Variants in ANKH observed in about 807,000 individuals in gnomAD.
ANKH encodes the protein mineralization regulator ANKH.
In ANKH, 15 loss-of-function variants were observed where a neutral mutation model predicts 49.0. The ratio of observed to expected loss-of-function variants is 0.31; its 90% CI spans 0.20 to 0.47. The LOEUF (loss-of-function observed/expected upper bound fraction) is 0.47. Ranked by LOEUF, ANKH falls within the 20% of genes least tolerant of loss-of-function variation. The pLI is 1.00. For missense variants in ANKH, 429 were observed against 652.0 expected (o/e 0.66, Z 3.72); for synonymous variants, 273 against 260.0 (o/e 1.05, Z -0.48).
chr5:14,841,624 T>C (rs1466511996), intron 1 of ANKH, among the ~76,000 whole-genome samples: 2 of 152,200 alleles, frequency 1.3e-5, no homozygotes, highest in Non-Finnish European at 2.9e-5. Context: ...AGTGTGAAGT[T>C]CAGAGGCACC....
chr5:14,854,143 T>C (rs539887687), intron 1 of ANKH, among the ~76,000 whole-genome samples: 2 of 152,332 alleles, frequency 1.3e-5, no homozygotes, highest in South Asian at 4.1e-4. Context: ...TTTTTATATT[T>C]TAAAGGGATA....
chr5:14,789,090 T>C (rs1237780064), intron 1 of ANKH, among the ~76,000 whole-genome samples: 1 of 152,112 alleles, frequency 6.6e-6, no homozygotes, highest in East Asian at 1.9e-4. Flanking sequence ...TAGCCAGGCA[T>C]GGTGGTACGT....
In ANKH at chr5:14,744,091, T is replaced by C. The variant is rs182819635; in HGVS notation, c.915+1779A>G. ...GCTGGTTTTCTAGGATTTACTTCTA[T>C]ACACACGTGCCTTGAAATGAAAACA... On this transcript the variant is annotated intron_variant, in intron 7 of 11. Coordinates refer to ENST00000284268, the MANE Select transcript of ANKH (RefSeq NM_054027.6). Among the ~76,000 whole-genome samples, 411 of 152,348 alleles carry C rather than the reference T, an allele frequency of 2.7e-3. 3 individuals carry two copies. Among genetic ancestry groups the C allele is most frequent in the African/African-American group, 9.1e-3 (380 of 41,580 alleles).
chr5:14,732,001 G>C (rs1198546981), intron 8 of ANKH, among the ~76,000 whole-genome samples: 1 of 152,184 alleles, frequency 6.6e-6, no homozygotes, highest in South Asian at 2.1e-4. Flanking sequence ...GTGCCCCACA[G>C]GACCCAGGTT....
At chr5:14,796,954 C>T (rs1740409770) in intron 1 of ANKH, among the ~76,000 whole-genome samples, 1 of 152,016 alleles carries the variant, frequency 6.6e-6, no homozygotes, top group Admixed American at 6.6e-5. Flanking sequence ...GAATCAAGCC[C>T]CCCATTAATA....
At chr5:14,777,690 A>G (rs9312873) in intron 1 of ANKH, among the ~76,000 whole-genome samples, 18,326 of 152,218 alleles carry the variant, frequency 0.12, 1,436 homozygotes, top group East Asian at 0.42. Flanking sequence ...CATTCCTTGC[A>G]AGTGGGAAGG....
chr5:14,839,656 C>T (rs972793355), intron 1 of ANKH, among the ~76,000 whole-genome samples: 1 of 152,166 alleles, frequency 6.6e-6, no homozygotes, highest in African/African-American at 2.4e-5. Context: ...ACTACCAAAG[C>T]TCAAGCCGTC....
At chr5:14,841,044 A>G (rs1741801043) in intron 1 of ANKH, among the ~76,000 whole-genome samples, 1 of 152,206 alleles carries the variant, frequency 6.6e-6, no homozygotes, top group South Asian at 2.1e-4. Flanking sequence ...GAGCGGGGAT[A>G]TATATGACTA....
At chr5:14,805,972 A>G (rs920410921) in intron 1 of ANKH, among the ~76,000 whole-genome samples, 5 of 152,228 alleles carry the variant, frequency 3.3e-5, no homozygotes, top group African/African-American at 1.2e-4. Context: ...GAGGCGATAC[A>G]TATAACATTA....
intron 1 of ANKH, among the ~76,000 whole-genome samples, chr5:14,806,402 T>C (rs1255182913): frequency 6.6e-6 from 1 of 152,194 alleles, no homozygotes; most frequent in Non-Finnish European, 1.5e-5. Flanking sequence ...TTAAATGGAA[T>C]GTTGACCACA....
chr5:14,765,293 T>C (rs1739223655), intron 2 of ANKH, among the ~76,000 whole-genome samples: 1 of 152,222 alleles, frequency 6.6e-6, no homozygotes, highest in Non-Finnish European at 1.5e-5. Flanking sequence ...AATTTGGGTA[T>C]CTAGAGCCAG....
chr5:14,778,153 G>A (rs1242069635), intron 1 of ANKH, among the ~76,000 whole-genome samples: 5 of 152,176 alleles, frequency 3.3e-5, no homozygotes, highest in Admixed American at 1.3e-4. Context: ...TGCAGCACCC[G>A]GCCTGGGGTC....
chr5:14,788,732 T>C (rs1217169861), intron 1 of ANKH, among the ~76,000 whole-genome samples: 2 of 152,096 alleles, frequency 1.3e-5, no homozygotes, highest in Non-Finnish European at 2.9e-5. Context: ...ACTGTCACTG[T>C]AACAAAGGCT....
intron 4 of ANKH, among the ~76,000 whole-genome samples, chr5:14,754,146 C>G (rs192002183): frequency 2.0e-5 from 3 of 152,206 alleles, no homozygotes; most frequent in Non-Finnish European, 4.4e-5. Context: ...TCGGCTTCCA[C>G]GCTCCCACTA....
chr5:14,793,315 C>T (rs937911912), intron 1 of ANKH, among the ~76,000 whole-genome samples: 2 of 151,340 alleles, frequency 1.3e-5, no homozygotes, highest in East Asian at 2.0e-4. Context: ...GAAGACCCAG[C>T]GAGGACTCAC....
intron 1 of ANKH, among the ~76,000 whole-genome samples, chr5:14,815,908 C>T (rs1162831001): frequency 6.6e-6 from 1 of 152,134 alleles, no homozygotes; most frequent in Non-Finnish European, 1.5e-5. Context: ...GTAAGCTAGA[C>T]CAGGCCAAGG....
At chr5:14,738,105 A>C (rs1158625454) in intron 8 of ANKH, among the ~76,000 whole-genome samples, 3 of 152,176 alleles carry the variant, frequency 2.0e-5, no homozygotes, top group African/African-American at 4.8e-5. Context: ...TGATCAACAA[A>C]ACTGCTGGAT....
intron 1 of ANKH, among the ~76,000 whole-genome samples, chr5:14,786,820 A>G (rs1739992510): frequency 6.6e-6 from 1 of 152,208 alleles, no homozygotes. Flanking sequence ...CCCTTCAGAA[A>G]TCCATCTAAA....
intron 1 of ANKH, among the ~76,000 whole-genome samples, chr5:14,858,425 A>G (rs1429255068): frequency 1.3e-5 from 2 of 152,212 alleles, no homozygotes; most frequent in African/African-American, 4.8e-5. Context: ...GTTTTAAAAT[A>G]TACGCATAGT....
Sources: allele counts gnomAD v4.1 joint callset (sites outside exome capture counted in the v4.1 genomes callset), GRCh38; gene constraint gnomAD v4.1.1; transcripts MANE v1.5; gene names NCBI Gene and HGNC (gene_info 2026-07-23, HGNC 2026-07-21).